CCSER1: variants seen among roughly 807,000 people sequenced by gnomAD.
CCSER1 encodes the protein coiled-coil serine rich protein 1.
A neutral mutation model predicts 82.0 loss-of-function variants in CCSER1; 41 were observed. The observed-to-expected ratio is 0.50, with a 90% CI of 0.39 to 0.65. The LOEUF is 0.65. CCSER1 is among the 30% of genes least tolerant of loss of function. The probability of loss-of-function intolerance (pLI) is 0.00; values close to 1 mark genes in which losing one functional copy is unlikely to be tolerated. For synonymous variants in CCSER1, 414 were observed against 383.9 expected, an observed-to-expected ratio of 1.08 and a Z score of -0.92; for missense variants, 1,119 against 1,064.2, an observed-to-expected ratio of 1.05 and a Z score of -0.72.
At position 91,332,750 on chromosome 4, in the gene CCSER1, T is replaced by C. The variant is rs75929542; in HGVS notation, c.2217+246756T>C. Among the ~76,000 whole-genome samples, 11 of 152,074 alleles carry C rather than the reference T, an allele frequency of 7.2e-5. No homozygotes were observed. In the East Asian group the frequency reaches 2.1e-3, roughly 29 times the overall value. ...CGTAAGGAGCTTTGTATACTGCTAA[T>C]TCAGTTTATAGTAACATCACCTTTC... is the stretch of plus-strand genomic sequence containing the variant. On this transcript the variant is annotated intron_variant, in intron 10 of 10. Transcript: ENST00000509176.
intron 1 of CCSER1, among the ~76,000 whole-genome samples, chr4:90,158,390 C>A (rs557089163): frequency 2.6e-5 from 4 of 152,160 alleles, no homozygotes; most frequent in East Asian, 1.9e-4. Flanking sequence ...GCTGGGAGAA[C>A]CACTGCTCTC....
chr4:90,974,641 T>C (rs1561436508), intron 9 of CCSER1, among the ~76,000 whole-genome samples: 1 of 151,368 alleles, frequency 6.6e-6, no homozygotes, highest in Non-Finnish European at 1.5e-5. Context: ...CCATTAGGGG[T>C]ATGCAAGTCA....
At chr4:90,929,652 G>A (rs1490049391) in intron 9 of CCSER1, among the ~76,000 whole-genome samples, 8 of 152,136 alleles carry the variant, frequency 5.3e-5, no homozygotes, top group Non-Finnish European at 1.2e-4. Context: ...TCGTTATGAG[G>A]AAAACAGCAA....
At chr4:90,579,896 T>C (rs1052261035) in intron 5 of CCSER1, among the ~76,000 whole-genome samples, 1 of 151,610 alleles carries the variant, frequency 6.6e-6, no homozygotes, top group African/African-American at 2.4e-5. Flanking sequence ...TAAAGTCATT[T>C]ATAGTTCTAT....
chr4:91,540,742 A>G (rs541356061), intron 10 of CCSER1, among the ~76,000 whole-genome samples: 1 of 152,112 alleles, frequency 6.6e-6, no homozygotes, highest in African/African-American at 2.4e-5. Context: ...ATCTGTATCT[A>G]AATTTATTTG....
intron 10 of CCSER1, among the ~76,000 whole-genome samples, chr4:91,158,525 G>C (rs1541367): frequency 1.3e-5 from 2 of 151,722 alleles, no homozygotes; most frequent in African/African-American, 2.4e-5. Context: ...ACTGTATGGC[G>C]CATAGTATAA....
At chr4:90,729,749 T>G (rs1298387657) in intron 7 of CCSER1, among the ~76,000 whole-genome samples, 2 of 151,754 alleles carry the variant, frequency 1.3e-5, no homozygotes, top group East Asian at 1.9e-4. Flanking sequence ...GGTTGTGGGC[T>G]CCTGTAGTCC....
chr4:91,373,956 A>T (rs970148715), intron 10 of CCSER1, among the ~76,000 whole-genome samples: 2 of 152,234 alleles, frequency 1.3e-5, no homozygotes, highest in Non-Finnish European at 2.9e-5. Flanking sequence ...TAGCCACAAC[A>T]TTCTGTTAAG....
At chr4:90,687,000 T>C (rs1734923747) in intron 6 of CCSER1, among the ~76,000 whole-genome samples, 1 of 152,210 alleles carries the variant, frequency 6.6e-6, no homozygotes, top group African/African-American at 2.4e-5. Context: ...GTGCCATGCA[T>C]GAAGGTTCAG....
In CCSER1 at chr4:91,099,422, C is replaced by T. The variant is rs144847109; in HGVS notation, c.2217+13428C>T. ...ATTGATAGGCAATAAGGAGAGTAAA[C>T]GATCTTTATACTTATTGTCAATGAA... On this transcript the variant is annotated intron_variant, in intron 10 of 10. Coordinates refer to ENST00000509176, the MANE Select transcript of CCSER1 (RefSeq NM_001145065.2). 7.9e-5 allele frequency among the ~76,000 whole-genome samples: 12 copies of T among 152,144 alleles called. No homozygotes were observed. The East Asian group carries it at 1.2e-3, about 15-fold the overall frequency.
Position 90,206,503 on chromosome 4 carries a change from T to A in CCSER1, c.-42+78672T>A, listed in dbSNP as rs1351098644. ...GTTGTTCAGTTTCCATGTAGTTGTGTGGCTTTGAGTGATTTTCTTAATGCT... is the reference window on the plus strand; with the variant it reads ...GTTGTTCAGTTTCCATGTAGTTGTGAGGCTTTGAGTGATTTTCTTAATGCT... On this transcript the variant is annotated intron_variant, in intron 1 of 10. Transcript: ENST00000509176. 6.6e-5 allele frequency among the ~76,000 whole-genome samples: 10 copies of A among 152,240 alleles called. No homozygotes were observed. In the East Asian group the frequency reaches 1.5e-3, roughly 24 times the overall value.
intron 6 of CCSER1, among the ~76,000 whole-genome samples, chr4:90,687,095 T>A (rs1408421666): frequency 2.0e-5 from 3 of 152,196 alleles, no homozygotes; most frequent in Non-Finnish European, 4.4e-5. Context: ...ATATTTACAA[T>A]GACTAGAAGA....
intron 5 of CCSER1, among the ~76,000 whole-genome samples, chr4:90,482,706 T>G (rs966066150): frequency 1.3e-5 from 2 of 152,192 alleles, no homozygotes; most frequent in Non-Finnish European, 2.9e-5. Context: ...TAATCCTGAG[T>G]TCTAGTTTGA....
At chr4:91,455,616 T>C (rs1318839646) in intron 10 of CCSER1, among the ~76,000 whole-genome samples, 1 of 152,058 alleles carries the variant, frequency 6.6e-6, no homozygotes, top group African/African-American at 2.4e-5. Flanking sequence ...TTTCATATAC[T>C]ACCCAGTCTA....
intron 9 of CCSER1, among the ~76,000 whole-genome samples, chr4:91,016,141 A>G (rs1739412009): frequency 6.6e-6 from 1 of 152,052 alleles, no homozygotes; most frequent in African/African-American, 2.4e-5. Flanking sequence ...TTATAGTTTT[A>G]ATGTCACTGC....
At chr4:91,231,303 A>G (rs1372366554) in intron 10 of CCSER1, among the ~76,000 whole-genome samples, 8 of 151,952 alleles carry the variant, frequency 5.3e-5, no homozygotes, top group Non-Finnish European at 4.4e-5. Flanking sequence ...AGATATGTCC[A>G]TTGACTCAAG....
chr4:90,984,003 T>C (rs1379964645), intron 9 of CCSER1, among the ~76,000 whole-genome samples: 1 of 151,834 alleles, frequency 6.6e-6, no homozygotes, highest in Admixed American at 6.6e-5. Context: ...GTAAACATTA[T>C]GATACTTCTC....
chr4:90,423,060 A>T (rs1397690074), intron 4 of CCSER1, among the ~76,000 whole-genome samples: 1 of 152,074 alleles, frequency 6.6e-6, no homozygotes, highest in Admixed American at 6.6e-5. Flanking sequence ...TTTTTTTCAC[A>T]TATCTTGGCA....
At chr4:91,207,786 A>G (rs1342261256) in intron 10 of CCSER1, among the ~76,000 whole-genome samples, 3 of 151,716 alleles carry the variant, frequency 2.0e-5, no homozygotes, top group African/African-American at 7.3e-5. Context: ...TCTGCTTTTA[A>G]TTCTTTGAAG....
Sources: allele counts gnomAD v4.1 joint callset (sites outside exome capture counted in the v4.1 genomes callset), GRCh38; gene constraint gnomAD v4.1.1; transcripts MANE v1.5; gene names NCBI Gene and HGNC (gene_info 2026-07-23, HGNC 2026-07-21).